Variants in ABCB11 observed in about 807,000 individuals in gnomAD.
The protein encoded by ABCB11 is ATP binding cassette subfamily B member 11.
ABCB11 carries 95 observed loss-of-function variants against 148.0 expected under a neutral mutation model. The ratio of observed to expected loss-of-function variants is 0.64; its 90% CI spans 0.54 to 0.76. ABCB11 has a LOEUF of 0.76. Among genes scored for constraint, ABCB11 ranks in the 30% least tolerant of loss-of-function variants. ABCB11 has a pLI of 0.00. For synonymous variants in ABCB11, 591 were observed against 555.4 expected (o/e 1.06, Z -0.90); for missense variants, 1,523 against 1,617.8 (o/e 0.94, Z 1.01).
chr2:169,001,978 T>C (rs1694887965), intron 5 of ABCB11, among the ~76,000 whole-genome samples: 1 of 152,128 alleles, frequency 6.6e-6, no homozygotes. Context: ...GATTGTCAGA[T>C]TGCATTAAAT....
At chr2:168,932,948 A>T (rs1372648784) in intron 23 of ABCB11, among the ~76,000 whole-genome samples, 4 of 152,020 alleles carry the variant, frequency 2.6e-5, no homozygotes, top group African/African-American at 9.7e-5. Context: ...TCTCTACTAA[A>T]AATACAAAAA....
At chr2:168,946,542 A>G (rs1299196247) in intron 19 of ABCB11, among the ~76,000 whole-genome samples, 3 of 151,826 alleles carry the variant, frequency 2.0e-5, no homozygotes, top group Non-Finnish European at 4.4e-5. Context: ...CCAGCATAGC[A>G]TAACTCGTAA....
rs369843585 is a variant in ABCB11 at position 168,975,388 on chromosome 2, TATAG to T, written c.1308+1185_1308+1188del. 9.5e-4 allele frequency among the ~76,000 whole-genome samples: 30 copies of T among 31,710 alleles called. 2 individuals carry two copies. The highest frequency in any genetic ancestry group is 8.1e-3 in the East Asian group (8 of 984). 20.8% of individuals were successfully genotyped at this position (31,710 alleles called of 152,430 possible). A position where few individuals can be genotyped will look rare whatever the true frequency, so the allele number is the denominator to read the frequency against. ...ATAAATATATAAATATTTTTATATT[TATAG>T]ATAAATATATAAATATATAAATATT... On this transcript the variant is annotated intron_variant, in intron 12 of 27. Transcript: ENST00000650372.
intron 27 of ABCB11, 90 bp downstream of exon 27, chr2:168,924,567 A>G (rs778408292): frequency 1.5e-5 from 20 of 1,342,616 alleles, no homozygotes; most frequent in Non-Finnish European, 2.1e-5. Context: ...CGAATCAGAA[A>G]ATTGAAAATA....
chr2:169,005,996 C>G (rs540655767), intron 5 of ABCB11, among the ~76,000 whole-genome samples: 1 of 152,244 alleles, frequency 6.6e-6, no homozygotes, highest in Non-Finnish European at 1.5e-5. Context: ...AATACCAATT[C>G]TTCACAAACT....
chr2:168,916,257 C>G (rs183070470), downstream of ABCB11, among the ~76,000 whole-genome samples: 1 of 152,332 alleles, frequency 6.6e-6, no homozygotes, highest in East Asian at 1.9e-4. Flanking sequence ...CTATCTCCAG[C>G]TCTTCTGCTA....
chr2:168,967,560 T>C (rs1693372708), intron 17 of ABCB11, among the ~76,000 whole-genome samples: 1 of 151,906 alleles, frequency 6.6e-6, no homozygotes, highest in Non-Finnish European at 1.5e-5. Context: ...AATAAATAAT[T>C]ATCCATCTTG....
chr2:168,947,250 T>C (rs1484413499), intron 19 of ABCB11, among the ~76,000 whole-genome samples: 1 of 151,882 alleles, frequency 6.6e-6, no homozygotes, highest in South Asian at 2.1e-4. Flanking sequence ...CTTATACAGA[T>C]GAGGAAATTT....
intron 5 of ABCB11, among the ~76,000 whole-genome samples, chr2:169,012,526 C>G (rs1695217276): frequency 6.6e-6 from 1 of 151,868 alleles, no homozygotes; most frequent in Admixed American, 6.6e-5. Flanking sequence ...AGGCAGATGA[C>G]CTGAGGAGAT....
downstream of ABCB11, among the ~76,000 whole-genome samples, chr2:168,918,296 A>T (rs1690982097): frequency 6.6e-6 from 1 of 152,240 alleles, no homozygotes; most frequent in Non-Finnish European, 1.5e-5. Flanking sequence ...TGAACTAGGC[A>T]GTCTCTGCCC....
At chr2:168,917,374 G>GA (rs894577673), downstream of ABCB11, among the ~76,000 whole-genome samples, 1 of 152,000 alleles carries the variant, frequency 6.6e-6, no homozygotes, top group Non-Finnish European at 1.5e-5. Flanking sequence ...ATTGTTCACA[G>GA]AAAAAAATCA....
At position 168,932,402 on chromosome 2, in the gene ABCB11, A is replaced by G. The variant is rs780618097; in HGVS notation, c.3188T>C (p.Val1063Ala). 2.1e-5 allele frequency: 33 copies of G among 1,572,236 alleles called. No individual in the cohort carries two copies. Among genetic ancestry groups the G allele is most frequent in the Middle Eastern group, 3.3e-4 (2 of 6,042 alleles). Residue 1063 changes from valine to alanine, a missense_variant, in exon 24 of 28, where the codon GTA (valine) becomes GCA (alanine). Val to Ala is a moderately conservative substitution (Grantham distance 64). Transcript: ENST00000650372. ...QLLDRQPPIS[V>A]YNTAGEKWDN... is the part of the protein sequence containing the mutation. ...CCATTTTTCACCTGCAGTATTGTATACACTGATTGGGGGTTGTCGGTCCAG... is the reference window on the plus strand; with the variant it reads ...CCATTTTTCACCTGCAGTATTGTATGCACTGATTGGGGGTTGTCGGTCCAG...
Position 168,923,409 on chromosome 2 carries a change from T to G in ABCB11, c.*213A>C. 1.7e-6 allele frequency: 1 copy of G among 602,716 alleles called. No individual in the cohort carries two copies. The highest frequency in any genetic ancestry group is 2.1e-5 in the South Asian group (1 of 46,636). The allele number at this position is 602,716 out of a possible 1,614,324, so 37.3% of individuals were successfully genotyped here. On this transcript the variant is annotated 3_prime_UTR_variant, in exon 28 of 28. Coordinates refer to ENST00000650372, the MANE Select transcript of ABCB11 (RefSeq NM_003742.4). ...CATATGGACCCTAGTTTCTTTCATT[T>G]TCTGTATACACATCTAAAGCAGAAT...
chr2:168,926,726 T>C (rs1691330763), intron 26 of ABCB11, among the ~76,000 whole-genome samples: 2 of 152,184 alleles, frequency 1.3e-5, no homozygotes, highest in Admixed American at 6.5e-5. Context: ...AGAGCCACAA[T>C]CATAATACAG....
At chr2:168,949,734 A>C (rs918523941) in intron 19 of ABCB11, among the ~76,000 whole-genome samples, 5 of 151,502 alleles carry the variant, frequency 3.3e-5, no homozygotes, top group Admixed American at 1.3e-4. Context: ...ACTGAGTGAC[A>C]ACTTGATTGA....
chr2:168,973,301 T>C (rs1693673701), intron 13 of ABCB11, among the ~76,000 whole-genome samples: 1 of 28,178 alleles, frequency 3.5e-5, no homozygotes, highest in Admixed American at 2.2e-4. Flanking sequence ...ATTTAGATGG[T>C]ATATATATAT....
At chr2:168,962,780 A>T (rs1013345993) in intron 18 of ABCB11, among the ~76,000 whole-genome samples, 2 of 151,668 alleles carry the variant, frequency 1.3e-5, no homozygotes, top group African/African-American at 4.8e-5. Context: ...GACTCAATGA[A>T]ATAGCTATTT....
Position 168,922,260 on chromosome 2 carries a change from C to T in ABCB11, c.*1362G>A, listed in dbSNP as rs2105871049. On this transcript the variant is annotated 3_prime_UTR_variant, in exon 28 of 28. Transcript: ENST00000650372. ...TCATACACAGCTTTACATTCAATCC[C>T]CCTGTCTCTTGTATGTTAGCTGCCC... is the stretch of plus-strand genomic sequence containing the variant. 6.6e-6 allele frequency among the ~76,000 whole-genome samples: 1 copy of T among 152,256 alleles called. No homozygotes were observed. Among genetic ancestry groups the T allele is most frequent in the African/African-American group, 2.4e-5 (1 of 41,538 alleles).
chr2:169,009,771 G>A (rs776426194), intron 5 of ABCB11, among the ~76,000 whole-genome samples: 10 of 151,710 alleles, frequency 6.6e-5, no homozygotes, highest in Non-Finnish European at 1.5e-4. Flanking sequence ...AATTGACTGT[G>A]GCAGTGAATG....
Sources: gnomAD v4.1 joint callset for allele counts (sites outside exome capture counted in the v4.1 genomes callset) on GRCh38, gnomAD v4.1.1 for gene constraint, MANE v1.5 for transcripts, NCBI Gene and HGNC (gene_info 2026-07-23, HGNC 2026-07-21) for gene names.